Variants in CFAP61 observed in about 807,000 individuals in gnomAD.
The protein encoded by CFAP61 is cilia and flagella associated protein 61, also known as cilia- and flagella-associated protein 61.
A neutral mutation model predicts 135.6 loss-of-function variants in CFAP61; 107 were observed. That is an observed-to-expected ratio of 0.79 (90% confidence interval 0.67 to 0.93). The LOEUF (loss-of-function observed/expected upper bound fraction) is 0.93, where lower values mean the gene tolerates loss of function less well. Among genes scored for constraint, CFAP61 ranks in the 40% least tolerant of loss-of-function variants. The pLI is 0.00. For synonymous variants in CFAP61, 575 were observed against 578.5 expected (o/e 0.99, Z 0.09); for missense variants, 1,507 against 1,556.2 (o/e 0.97, Z 0.53).
intron 21 of CFAP61, among the ~76,000 whole-genome samples, chr20:20,269,455 T>C (rs962819890): frequency 1.3e-5 from 2 of 152,048 alleles, no homozygotes; most frequent in African/African-American, 4.8e-5. Flanking sequence ...CACTGCAACC[T>C]CTGCCTCTCA....
chr20:20,064,377 A>T (rs2045077097), intron 2 of CFAP61, among the ~76,000 whole-genome samples: 1 of 152,192 alleles, frequency 6.6e-6, no homozygotes, highest in African/African-American at 2.4e-5. Context: ...TTTTTGTGTA[A>T]AGGAAGCCTT....
At chr20:20,154,674 A>T (rs547239461) in intron 9 of CFAP61, among the ~76,000 whole-genome samples, 1 of 152,022 alleles carries the variant, frequency 6.6e-6, no homozygotes, top group South Asian at 2.1e-4. Flanking sequence ...ACAACAACAA[A>T]CCTTAAAAAA....
chr20:20,095,946 G>A (rs2047535545), intron 7 of CFAP61, among the ~76,000 whole-genome samples: 1 of 152,232 alleles, frequency 6.6e-6, no homozygotes, highest in East Asian at 1.9e-4. Context: ...CAAGGCCACA[G>A]TACACATAGT....
Position 20,147,501 on chromosome 20 carries a change from G to A in CFAP61, c.951+4553G>A, listed in dbSNP as rs1284898445. ...TTGCATTTTCTTGATGATTAGTGAT[G>A]TTAAACATTTTTTCATGTTTGTTGG... On this transcript the variant is annotated intron_variant, in intron 9 of 26. Coordinates refer to ENST00000245957, the MANE Select transcript of CFAP61 (RefSeq NM_015585.4). Among the ~76,000 whole-genome samples, 3 of 152,164 alleles carry A rather than the reference G, an allele frequency of 2.0e-5. No individual in the cohort carries two copies. The East Asian group carries it at 5.8e-4, about 29-fold the overall frequency.
intron 9 of CFAP61, among the ~76,000 whole-genome samples, chr20:20,143,546 C>T (rs1249922710): frequency 6.6e-6 from 1 of 152,190 alleles, no homozygotes; most frequent in Non-Finnish European, 1.5e-5. Flanking sequence ...ATTTACTCTC[C>T]TGCCTAAAAT....
intron 9 of CFAP61, among the ~76,000 whole-genome samples, chr20:20,158,939 A>C (rs1402128141): frequency 1.3e-5 from 2 of 152,254 alleles, no homozygotes; most frequent in African/African-American, 4.8e-5. Flanking sequence ...TGGTGCACAA[A>C]TAATTGCAGT....
chr20:20,117,758 A>AT (rs773103571), intron 8 of CFAP61, among the ~76,000 whole-genome samples: 10 of 151,826 alleles, frequency 6.6e-5, no homozygotes, highest in South Asian at 2.1e-4. Flanking sequence ...GTCCTCTTCA[A>AT]TTTTTTTTAT....
chr20:20,079,567 G>GT (rs1296555859), intron 6 of CFAP61, among the ~76,000 whole-genome samples: 1 of 152,112 alleles, frequency 6.6e-6, no homozygotes, highest in Non-Finnish European at 1.5e-5. Flanking sequence ...ATGTGATCCC[G>GT]TTTTTCCTAT....
Position 20,188,055 on chromosome 20 carries a change from C to G in CFAP61, c.1511C>G (p.Pro504Arg), listed in dbSNP as rs750740138. The change falls in exon 14 of 27, where the codon CCT (proline) becomes CGT (arginine). Residue 504 changes from proline to arginine, a missense_variant and splice_region_variant. Transcript: ENST00000245957. ...CGTTACAACAAGGCTCGCAAAGACCCTGTAAGTACCTGTTGTGACCAGACC... is the reference window on the plus strand; with the variant it reads ...CGTTACAACAAGGCTCGCAAAGACCGTGTAAGTACCTGTTGTGACCAGACC... ...LDRYNKARKD[P>R]DGTLLQAFVA... 9 of 1,614,034 alleles carry G rather than the reference C, an allele frequency of 5.6e-6. No homozygotes were observed. In the East Asian group the frequency reaches 1.6e-4, roughly 28 times the overall value.
chr20:20,333,565 G>A (rs1017550322), intron 25 of CFAP61, among the ~76,000 whole-genome samples: 3 of 152,174 alleles, frequency 2.0e-5, no homozygotes, highest in Non-Finnish European at 2.9e-5. Flanking sequence ...CCATATGTGT[G>A]GCTTCCCACT....
intron 26 of CFAP61, among the ~76,000 whole-genome samples, chr20:20,356,123 A>T (rs1309678335): frequency 2.1e-4 from 11 of 52,580 alleles, no homozygotes; most frequent in South Asian, 9.7e-4. Context: ...CACTGAGGGG[A>T]GGTAGTCACA....
intron 17 of CFAP61, among the ~76,000 whole-genome samples, chr20:20,219,957 TA>T (rs2048287659): frequency 6.6e-6 from 1 of 152,134 alleles, no homozygotes; most frequent in South Asian, 2.1e-4. Flanking sequence ...TCTGGTGCAA[TA>T]AAGGTGAGAG....
chr20:20,193,192 T>C, intron 15 of CFAP61, among the ~76,000 whole-genome samples: 1 of 152,164 alleles, frequency 6.6e-6, no homozygotes, highest in Middle Eastern at 3.2e-3. Flanking sequence ...TGAGTAGTAG[T>C]GTTAATAATA....
At chr20:20,141,921 C>T (rs1040031497) in intron 8 of CFAP61, among the ~76,000 whole-genome samples, 1 of 152,168 alleles carries the variant, frequency 6.6e-6, no homozygotes, top group African/African-American at 2.4e-5. Flanking sequence ...ACATCTGTGG[C>T]AGCGCTTCTG....
chr20:20,154,709 C>G (rs151044396), intron 9 of CFAP61, among the ~76,000 whole-genome samples: 1 of 151,872 alleles, frequency 6.6e-6, no homozygotes, highest in Non-Finnish European at 1.5e-5. Context: ...TAGGAATATA[C>G]TTAACCAAGA....
intron 10 of CFAP61, among the ~76,000 whole-genome samples, chr20:20,162,177 G>C (rs1225420548): frequency 6.6e-6 from 1 of 152,078 alleles, no homozygotes; most frequent in Non-Finnish European, 1.5e-5. Context: ...TCCTCCCTCT[G>C]ACTCAGACCT....
rs559371169 is a variant in CFAP61, at chr20:20,137,708, C to G, written c.860-5149C>G. 2.0e-5 allele frequency among the ~76,000 whole-genome samples: 3 copies of G among 152,300 alleles called. No homozygotes were observed. In the East Asian group the frequency reaches 5.8e-4, roughly 29 times the overall value. On this transcript the variant is annotated intron_variant, in intron 8 of 26. Transcript: ENST00000245957. ...GCCATTCAAGAGCCAAAGCCTGGAA[C>G]TGGGGACCCTAAGAGCCTGTTTGGT...
intron 13 of CFAP61, among the ~76,000 whole-genome samples, chr20:20,177,438 T>C (rs2054714796): frequency 6.6e-6 from 1 of 151,978 alleles, no homozygotes; most frequent in Non-Finnish European, 1.5e-5. Flanking sequence ...CTTTCCTTTC[T>C]TCCACCCTCC....
chr20:20,265,196 G>A (rs555695211), intron 21 of CFAP61, among the ~76,000 whole-genome samples: 1 of 152,296 alleles, frequency 6.6e-6, no homozygotes, highest in South Asian at 2.1e-4. Flanking sequence ...CTTTAAGACT[G>A]CACCCAATCC....
Sources: allele counts gnomAD v4.1 joint callset (sites outside exome capture counted in the v4.1 genomes callset), GRCh38; gene constraint gnomAD v4.1.1; transcripts MANE v1.5; gene names NCBI Gene and HGNC (gene_info 2026-07-23, HGNC 2026-07-21).